Variants in SHROOM3 observed in about 807,000 individuals in gnomAD.
The protein encoded by SHROOM3 is protein Shroom3.
A neutral mutation model predicts 138.6 loss-of-function variants in SHROOM3; 47 were observed. The observed-to-expected ratio is 0.34, with a 90% confidence interval of 0.27 to 0.43. SHROOM3 has a LOEUF of 0.43. Among genes scored for constraint, SHROOM3 ranks in the 20% least tolerant of loss-of-function variants. SHROOM3 has a pLI of 1.00. For missense variants in SHROOM3, 2,491 were observed against 2,596.5 expected, an observed-to-expected ratio of 0.96 and a Z score of 0.88; for synonymous variants, 1,062 against 1,063.3, an observed-to-expected ratio of 1.00 and a Z score of 0.02.
Position 76,740,308 on chromosome 4 carries a change from T to A in SHROOM3, c.2135T>A (p.Leu712His), listed in dbSNP as rs1199031067. The A allele has an allele frequency of 3.1e-6, 5 of 1,613,046 alleles. No homozygotes were observed. In the East Asian group the frequency reaches 8.9e-5, roughly 29 times the overall value. ...EDPGRKAAPD[L>H]GSHLDRQVSY... ...CCTGGGAGGAAAGCCGCTCCTGACC[T>A]CGGGAGCCATCTGGACCGGCAGGTT... The change falls in exon 5 of 11, where the codon CTC (leucine) becomes CAC (histidine). Residue 712 changes from leucine (L) to histidine (H), a missense_variant. By Grantham distance (99) the Leu-to-His change is moderately conservative. This residue lies in a region of SHROOM3 where 1,733 missense variants were observed against 1,661.6 expected (regional missense o/e 1.04). Transcript: ENST00000296043. This position sits in a 1 kb window ranked among gnomAD's most constrained non-coding sequence, Gnocchi z 4.0.
chr4:76,534,477 T>A (rs7673766), intron 1 of SHROOM3, among the ~76,000 whole-genome samples: 1 of 151,878 alleles, frequency 6.6e-6, no homozygotes, highest in Non-Finnish European at 1.5e-5. Context: ...GTAGCACATC[T>A]GATGCAAAGC....
Position 76,779,082 on chromosome 4 carries a change from G to A in SHROOM3, c.5896G>A (p.Ala1966Thr). The A allele has an allele frequency of 6.2e-7, 1 of 1,614,190 alleles. No homozygotes were observed. The part of the protein sequence containing the change: ...LPSDFIPKAG[A>T]LALPPNLTSE... ...CTCAGATTTCATTCCCAAGGCTGGG[G>A]CCCTGGCTCTGCCCCCAAACCTCAC... Residue 1966 changes from alanine to threonine, a missense_variant, in exon 11 of 11, where the codon GCC (alanine) becomes ACC (threonine). By Grantham distance (58) the Ala-to-Thr change is moderately conservative. Coordinates refer to ENST00000296043, the MANE Select transcript of SHROOM3 (RefSeq NM_020859.4).
chr4:76,763,429 G>A lies in SHROOM3; in HGVS notation c.5349+3734G>A, dbSNP rs190409030. Reference sequence around the variant, plus strand: ...AAAACTAAAAAATTAGCTGAGCATGGTGGCACACACCTGTGGTCTGAGCTA... The same window carrying A: ...AAAACTAAAAAATTAGCTGAGCATGATGGCACACACCTGTGGTCTGAGCTA... On this transcript the variant is annotated intron_variant, in intron 9 of 10. Transcript: ENST00000296043. 6.6e-5 allele frequency among the ~76,000 whole-genome samples: 10 copies of A among 152,092 alleles called. No individual in the cohort carries two copies. The East Asian group carries it at 1.9e-3, about 29-fold the overall frequency.
At chr4:76,453,212 G>T (rs527445669) in intron 1 of SHROOM3, among the ~76,000 whole-genome samples, 19 of 151,868 alleles carry the variant, frequency 1.3e-4, no homozygotes, top group African/African-American at 4.8e-5. Flanking sequence ...AATGTGCAAG[G>T]GTTCTAATTT....
intron 2 of SHROOM3, among the ~76,000 whole-genome samples, chr4:76,591,676 C>T (rs950369211): frequency 7.7e-6 from 1 of 130,448 alleles, no homozygotes; most frequent in Admixed American, 8.4e-5. Context: ...TTACATTGCC[C>T]TTAGTAATGG....
At chr4:76,601,738 C>T (rs1473301296) in intron 2 of SHROOM3, among the ~76,000 whole-genome samples, 1 of 152,136 alleles carries the variant, frequency 6.6e-6, no homozygotes, top group African/African-American at 2.4e-5. Context: ...AACTCCTGAC[C>T]TCAGGTGATC....
chr4:76,688,378 G>A (rs1001846867), intron 2 of SHROOM3: 1 of 985,240 alleles, frequency 1.0e-6, no homozygotes, highest in Non-Finnish European at 1.2e-6. Flanking sequence ...AAAGGTAAAT[G>A]TGGTATCAGC....
chr4:76,585,132 G>T (rs1480884165), intron 2 of SHROOM3, among the ~76,000 whole-genome samples: 3 of 152,200 alleles, frequency 2.0e-5, no homozygotes, highest in Non-Finnish European at 2.9e-5. Flanking sequence ...TTCAGACTTT[G>T]TTGGTGTTTG....
chr4:76,709,763 T>TCGCCGTATCA, intron 2 of SHROOM3: 1 of 279,508 alleles, frequency 3.6e-6, no homozygotes, highest in Admixed American at 5.0e-5. Context: ...AGAGGCTTGG[T>TCGCCGTATCA]TTCAAACCAC....
Position 76,623,250 on chromosome 4 carries a change from A to G in SHROOM3, c.323+67487A>G, listed in dbSNP as rs568957677. On this transcript the variant is annotated intron_variant, in intron 2 of 10. Transcript: ENST00000296043. Reference sequence around the variant, plus strand: ...TCCTGCTGCACCAAGTCTGTGGGCAACAATGCAAAAAGTCAACCAAAATCC... The same window carrying G: ...TCCTGCTGCACCAAGTCTGTGGGCAGCAATGCAAAAAGTCAACCAAAATCC... Among the ~76,000 whole-genome samples the G allele has an allele frequency of 2.0e-5, 3 of 152,318 alleles. 1 individual carries two copies. Among genetic ancestry groups the G allele is most frequent in the African/African-American group, 7.2e-5 (3 of 41,570 alleles).
At chr4:76,659,170 C>T (rs2110092206) in intron 2 of SHROOM3, among the ~76,000 whole-genome samples, 3 of 152,278 alleles carry the variant, frequency 2.0e-5, no homozygotes, top group Middle Eastern at 6.8e-3. Context: ...ATTGTGAATA[C>T]TCAAGGCCCA....
intron 2 of SHROOM3, among the ~76,000 whole-genome samples, chr4:76,562,071 T>G (rs777540593): frequency 3.9e-5 from 6 of 152,144 alleles, no homozygotes; most frequent in Non-Finnish European, 7.3e-5. Flanking sequence ...TTATGTTTGA[T>G]TCATCTAAGA....
At chr4:76,452,864 C>T (rs1021855056) in intron 1 of SHROOM3, among the ~76,000 whole-genome samples, 2 of 152,108 alleles carry the variant, frequency 1.3e-5, no homozygotes, top group Non-Finnish European at 1.5e-5. Flanking sequence ...ATTACAGGTG[C>T]CTGCCACCAT....
chr4:76,569,148 G>A (rs972428333), intron 2 of SHROOM3, among the ~76,000 whole-genome samples: 8 of 152,230 alleles, frequency 5.3e-5, no homozygotes, highest in African/African-American at 1.9e-4. Context: ...ACTGTTAGCT[G>A]TTTTATGAGT....
chr4:76,744,906 A>G (rs1391957745), intron 5 of SHROOM3, among the ~76,000 whole-genome samples: 1 of 152,220 alleles, frequency 6.6e-6, no homozygotes, highest in African/African-American at 2.4e-5. Flanking sequence ...AAACAAAGTC[A>G]TCATGGAAAT....
At chr4:76,439,544 G>A (rs1369425816) in intron 1 of SHROOM3, among the ~76,000 whole-genome samples, 2 of 152,004 alleles carry the variant, frequency 1.3e-5, no homozygotes, top group African/African-American at 4.8e-5. Context: ...AAATGTGGTG[G>A]CTGATCATGC....
chr4:76,601,086 G>A (rs114475112), intron 2 of SHROOM3, among the ~76,000 whole-genome samples: 101 of 152,340 alleles, frequency 6.6e-4, no homozygotes, highest in African/African-American at 2.4e-3. Context: ...CCTTTGAGAA[G>A]GAAGATAAGT....
chr4:76,493,153 G>C (rs550105587), intron 1 of SHROOM3, among the ~76,000 whole-genome samples: 1 of 150,066 alleles, frequency 6.7e-6, no homozygotes, highest in Admixed American at 6.6e-5. Context: ...CTCGAGAGGC[G>C]GCGGTTGCAG....
At chr4:76,486,906 C>T (rs1579187750) in intron 1 of SHROOM3, among the ~76,000 whole-genome samples, 1 of 126,382 alleles carries the variant, frequency 7.9e-6, no homozygotes, top group South Asian at 2.4e-4. Flanking sequence ...AAGAGAAAGG[C>T]AACTTTAAAA....
Sources: gnomAD v4.1 joint callset for allele counts (sites outside exome capture counted in the v4.1 genomes callset) on GRCh38, gnomAD v4.1.1 for gene constraint, gnomAD v4.1.1 regional missense constraint, Gnocchi (gnomAD v3.1) non-coding constraint, MANE v1.5 for transcripts, NCBI Gene and HGNC (gene_info 2026-07-23, HGNC 2026-07-21) for gene names.